The following FLCN variants were observed in gnomAD, a reference collection of about 807,000 sequenced individuals.
The protein encoded by FLCN is BHD skin lesion fibrofolliculoma protein.
A neutral mutation model predicts 62.5 loss-of-function variants in FLCN; 22 were observed. The observed-to-expected ratio is 0.35, with a 90% CI of 0.25 to 0.50. FLCN has a LOEUF of 0.50. Among genes scored for constraint, FLCN ranks in the 20% least tolerant of loss-of-function variants. The probability of loss-of-function intolerance (pLI) is 0.97; values close to 1 mark genes in which losing one functional copy is unlikely to be tolerated. For synonymous variants in FLCN, 319 were observed against 310.0 expected, an observed-to-expected ratio of 1.03 and a Z score of -0.30; for missense variants, 657 against 778.0, an observed-to-expected ratio of 0.84 and a Z score of 1.85.
At chr17:17,234,223 T>G (rs1233575082) in intron 1 of FLCN, among the ~76,000 whole-genome samples, 12 of 150,798 alleles carry the variant, frequency 8.0e-5, no homozygotes, top group East Asian at 4.0e-4. Context: ...GGTTTGTTTT[T>G]TTTTTTGCGG....
chr17:17,223,867 C>T (rs982893438), intron 6 of FLCN, 55 bp downstream of exon 6: 32 of 1,570,784 alleles, frequency 2.0e-5, no homozygotes, highest in African/African-American at 4.0e-5. Context: ...CAGCACAGAG[C>T]GGCTCATGCA....
chr17:17,221,650 A>G (rs756931762), intron 7 of FLCN, 22 bp from the exon 8 acceptor site: 7 of 1,603,600 alleles, frequency 4.4e-6, no homozygotes, highest in Non-Finnish European at 5.9e-6. Context: ...AGCACCAGCT[A>G]TGAGCGTTCT....
At chr17:17,218,386 C>CTT (rs11464784) in intron 9 of FLCN, among the ~76,000 whole-genome samples, 1,343 of 129,926 alleles carry the variant, frequency 0.01, 62 homozygotes, top group South Asian at 0.072. Flanking sequence ...CCATCACTTT[C>CTT]TTTTTTTTTT....
At chr17:17,230,024 G>T (rs1023170183) in intron 3 of FLCN, among the ~76,000 whole-genome samples, 1 of 152,190 alleles carries the variant, frequency 6.6e-6, no homozygotes, top group Non-Finnish European at 1.5e-5. Flanking sequence ...GCCAGAGAAG[G>T]CTTTAAAATG....
chr17:17,232,083 G>C (rs2145099377), intron 2 of FLCN, among the ~76,000 whole-genome samples: 1 of 152,336 alleles, frequency 6.6e-6, no homozygotes, highest in South Asian at 2.1e-4. Context: ...ACAGATGGCA[G>C]AACTTCTAGC....
At chr17:17,218,365 T>C (rs1362169068) in intron 9 of FLCN, among the ~76,000 whole-genome samples, 1 of 151,552 alleles carries the variant, frequency 6.6e-6, no homozygotes, top group African/African-American at 2.4e-5. Context: ...CCTAATTTTT[T>C]GTAAGAATGA....
At chr17:17,215,419 G>T in intron 11 of FLCN, 103 bp from the exon 12 acceptor site, 1 of 1,573,050 alleles carries the variant, frequency 6.4e-7, no homozygotes. Context: ...AGGTCAGTGG[G>T]GAAGGCTGCT....
chr17:17,222,350 T>G (rs2047117193), intron 7 of FLCN, 151 bp downstream of exon 7: 1 of 1,062,600 alleles, frequency 9.4e-7, no homozygotes, highest in Non-Finnish European at 1.4e-6. Flanking sequence ...AGATCTGTGC[T>G]CACTGACAAG....
rs368781708 is a variant in FLCN, at chr17:17,215,139, G to A, written c.1432+46C>T. On this transcript the variant is annotated intron_variant, in intron 12 of 13. Transcript: ENST00000285071. ...GCAAGGGCAGGCGTTAGCGCGGGGC[G>A]GGGGCATCTTCTCACAAAAAGGACA... The A allele has an allele frequency of 3.7e-5, 60 of 1,613,898 alleles. No homozygotes were observed. The African/African-American group carries it at 5.9e-4, about 16-fold the overall frequency.
Position 17,217,112 on chromosome 17 carries a change from C to T in FLCN, c.1133G>A (p.Ser378Asn), listed in dbSNP as rs769489773. 9 of 1,614,116 alleles carry T rather than the reference C, an allele frequency of 5.6e-6. No homozygotes were observed. Among genetic ancestry groups the T allele is most frequent in the Middle Eastern group, 1.6e-4 (1 of 6,062 alleles). Reference sequence around the variant, plus strand: ...TGACTGGACGAGGTCCACGTCTCTGCTTTTCCAGATCACCTGGTTCCCCAT... The same window carrying T: ...TGACTGGACGAGGTCCACGTCTCTGTTTTTCCAGATCACCTGGTTCCCCAT... ...VLMGNQVIWK[S>N]RDVDLVQSAF... is the part of the protein sequence containing the mutation. Residue 378 changes from serine (S) to asparagine (N), a missense_variant, in exon 10 of 14, where the codon AGC becomes AAC. Coordinates refer to ENST00000285071, the MANE Select transcript of FLCN (RefSeq NM_144997.7).
rs727504645 is a variant in FLCN at position 17,224,093 on chromosome 17, GC to G, written c.446del (p.Gly149AlafsTer28). ...TGAAGAAGGTGTGGCTGAACACAAAGCCGTGCTGCTCATCTCCGAAGAAGAT... is the reference window on the plus strand; with the variant it reads ...TGAAGAAGGTGTGGCTGAACACAAAGCGTGCTGCTCATCTCCGAAGAAGAT... The part of the protein sequence containing the change: ...GPIFFGDEQH[G>X]FVFSHTFFIK... On this transcript the variant is annotated frameshift_variant, in exon 6 of 14. Transcript: ENST00000285071. LOFTEE classifies it high-confidence loss of function. 6.2e-7 allele frequency: 1 copy of G among 1,611,980 alleles called. No individual in the cohort carries two copies. Among genetic ancestry groups the G allele is most frequent in the Non-Finnish European group, 8.5e-7 (1 of 1,179,120 alleles).
intron 5 of FLCN, 61 bp downstream of exon 5, chr17:17,226,115 C>G (rs1253065101): frequency 6.2e-7 from 1 of 1,604,050 alleles, no homozygotes; most frequent in South Asian, 1.1e-5. Flanking sequence ...CCGAGCCCAC[C>G]CAGAGCACCT....
chr17:17,232,409 G>A lies in FLCN; in HGVS notation c.-114+379C>T, dbSNP rs188836510. Among the ~76,000 whole-genome samples, 423 of 152,340 alleles carry A rather than the reference G, an allele frequency of 2.8e-3. 3 individuals carry two copies. Among genetic ancestry groups the A allele is most frequent in the African/African-American group, 9.5e-3 (396 of 41,584 alleles). On this transcript the variant is annotated intron_variant, in intron 2 of 13. Coordinates refer to ENST00000285071, the MANE Select transcript of FLCN (RefSeq NM_144997.7). The stretch of plus-strand genomic sequence containing the variant: ...ATGAGAGGACTGAGAAGTCGCCCTT[G>A]GAAAGATGACAGCTGTTGCCAAGAA...
At position 17,216,955 on chromosome 17, in the gene FLCN, T is replaced by C; in HGVS notation, c.1176+114A>G. The C allele has an allele frequency of 1.3e-6, 1 of 797,530 alleles. No individual in the cohort carries two copies. Among genetic ancestry groups the C allele is most frequent in the East Asian group, 2.6e-5 (1 of 38,678 alleles). The allele number at this position is 797,530 out of a possible 1,614,324, so 49.4% of individuals were successfully genotyped here. A position where few individuals can be genotyped will look rare whatever the true frequency, so the allele number is the denominator to read the frequency against. ...CACTGCGCCCCCAGTGGAGACCGTG[T>C]GGTGCACAGCGGTTCTGTGCTGGGC... On this transcript the variant is annotated intron_variant, in intron 10 of 13. Coordinates refer to ENST00000285071, the MANE Select transcript of FLCN (RefSeq NM_144997.7). This position sits in a 1 kb window ranked among gnomAD's most constrained non-coding sequence, Gnocchi z 4.0.
chr17:17,221,209 T>C, intron 8 of FLCN: 1 of 1,519,208 alleles, frequency 6.6e-7, no homozygotes, highest in African/African-American at 1.4e-5. Context: ...GCAAAGACCG[T>C]CGACCAGGCC....
rs786203218 is a variant in FLCN, at chr17:17,224,068, TGAA to T, written c.469_471del (p.Phe157del). 2.5e-6 allele frequency: 4 copies of T among 1,613,458 alleles called. No individual in the cohort carries two copies. The highest frequency in any genetic ancestry group is 3.4e-6 in the Non-Finnish European group (4 of 1,179,912). On this transcript the variant is annotated inframe_deletion, in exon 6 of 14. Transcript: ENST00000285071. The stretch of plus-strand genomic sequence containing the variant: ...AAGCCCCTGGCCAGGCTGTCCTTGA[TGAA>T]GAAGGTGTGGCTGAACACAAAGCCG...
chr17:17,216,604 G>A lies in FLCN; in HGVS notation c.1177-101C>T, dbSNP rs531278976. 5.8e-4 allele frequency: 907 copies of A among 1,552,952 alleles called. 2 individuals are homozygous for A. The East Asian group carries it at 6.9e-3, about 12-fold the overall frequency. Reference sequence around the variant, plus strand: ...AACCCCACACGCCTCCTGCAGCCCGGTCCAAGCCCTCCCTCCTGCCAGAGG... The same window carrying A: ...AACCCCACACGCCTCCTGCAGCCCGATCCAAGCCCTCCCTCCTGCCAGAGG... On this transcript the variant is annotated intron_variant, in intron 10 of 13. Coordinates refer to ENST00000285071, the MANE Select transcript of FLCN (RefSeq NM_144997.7). The surrounding 1 kb of genome is among the most constrained non-coding windows in gnomAD (Gnocchi z 4.0).
At position 17,215,327 on chromosome 17, in the gene FLCN, A is replaced by G. The variant is rs1199012171; in HGVS notation, c.1301-11T>C. ...CGATGACAGCAAACTCTGTAACAACACAAGGCCCGTGGCTCCTCATCTCCC... is the reference window on the plus strand; with the variant it reads ...CGATGACAGCAAACTCTGTAACAACGCAAGGCCCGTGGCTCCTCATCTCCC... On this transcript the variant is annotated splice_polypyrimidine_tract_variant and intron_variant, in intron 11 of 13. Coordinates refer to ENST00000285071, the MANE Select transcript of FLCN (RefSeq NM_144997.7). 6.2e-7 allele frequency: 1 copy of G among 1,613,792 alleles called. No individual in the cohort carries two copies. The highest frequency in any genetic ancestry group is 8.5e-7 in the Non-Finnish European group (1 of 1,180,014).
chr17:17,224,114 G>C lies in FLCN; in HGVS notation c.426C>G (p.Phe142Leu). 6.2e-7 allele frequency: 1 copy of C among 1,605,304 alleles called. No individual in the cohort carries two copies. Among genetic ancestry groups the C allele is most frequent in the South Asian group, 1.1e-5 (1 of 89,654 alleles). Residue 142 changes from phenylalanine (F) to leucine (L), a missense_variant, in exon 6 of 14, where the codon TTC (phenylalanine) becomes TTG (leucine). Phe to Leu is a conservative substitution (Grantham distance 22, BLOSUM62 0). Coordinates refer to ENST00000285071, the MANE Select transcript of FLCN (RefSeq NM_144997.7). ...EVCPGREGPI[F>L]FGDEQHGFVF... ...CAAAGCCGTGCTGCTCATCTCCGAA[G>C]AAGATGGGGCCTTCACGGCCAGGGC...
Sources: gnomAD v4.1 joint callset for allele counts (sites outside exome capture counted in the v4.1 genomes callset) on GRCh38, gnomAD v4.1.1 for gene constraint, Gnocchi (gnomAD v3.1) non-coding constraint, MANE v1.5 for transcripts, NCBI Gene and HGNC (gene_info 2026-07-23, HGNC 2026-07-21) for gene names.